Variants in GUCY1A2 observed in about 807,000 individuals in gnomAD.
GUCY1A2 encodes guanylate cyclase soluble subunit alpha-2.
GUCY1A2 carries 27 observed loss-of-function variants against 63.5 expected under a neutral mutation model. The ratio of observed to expected loss-of-function variants is 0.43; its 90% CI spans 0.31 to 0.59. GUCY1A2 has a LOEUF of 0.59. Ranked by LOEUF, GUCY1A2 falls within the 20% of genes least tolerant of loss-of-function variation. GUCY1A2 has a pLI of 0.11. For missense variants in GUCY1A2, 768 were observed against 913.3 expected, an observed-to-expected ratio of 0.84 and a Z score of 2.05; for synonymous variants, 364 against 343.5, an observed-to-expected ratio of 1.06 and a Z score of -0.66.
At chr11:106,992,629 C>A (rs536677245) in intron 1 of GUCY1A2, among the ~76,000 whole-genome samples, 40 of 152,048 alleles carry the variant, frequency 2.6e-4, no homozygotes, top group South Asian at 4.1e-4. Context: ...CACGCCCGGC[C>A]AGAACATGTC....
chr11:106,939,325 AG>A lies in GUCY1A2; in HGVS notation c.1206+134del. 3 of 608,138 alleles carry A rather than the reference AG, an allele frequency of 4.9e-6. No homozygotes were observed. The East Asian group carries it at 7.7e-5, about 16-fold the overall frequency. The allele number at this position is 608,138 out of a possible 1,614,324, so 37.7% of individuals were successfully genotyped here. ...AGGCCAAATCTTTTTACATACATCC[AG>A]GGACCAGTAATCTTCTAAATGGCAC... On this transcript the variant is annotated intron_variant, in intron 4 of 7. Coordinates refer to ENST00000526355, the MANE Select transcript of GUCY1A2 (RefSeq NM_000855.3).
At chr11:106,986,516 G>A (rs1370742769) in intron 1 of GUCY1A2, among the ~76,000 whole-genome samples, 1 of 152,100 alleles carries the variant, frequency 6.6e-6, no homozygotes. Flanking sequence ...ATCTGCATGA[G>A]GTAATGAGCA....
chr11:106,890,416 T>G (rs1859957629), intron 4 of GUCY1A2, among the ~76,000 whole-genome samples: 1 of 152,224 alleles, frequency 6.6e-6, no homozygotes, highest in South Asian at 2.1e-4. Flanking sequence ...CTCTTCAGGA[T>G]GCTGGTTCTG....
chr11:106,809,115 A>G (rs1858731199), intron 5 of GUCY1A2, among the ~76,000 whole-genome samples: 1 of 152,138 alleles, frequency 6.6e-6, no homozygotes, highest in African/African-American at 2.4e-5. Context: ...TGAATCAGAC[A>G]AGTTCTTTCC....
intron 3 of GUCY1A2, among the ~76,000 whole-genome samples, chr11:106,956,347 A>C (rs1181481367): frequency 6.6e-6 from 1 of 151,972 alleles, no homozygotes; most frequent in Non-Finnish European, 1.5e-5. Context: ...TTGGAGATGA[A>C]GCACTCTGGC....
At chr11:106,880,714 T>A (rs1041550956) in intron 4 of GUCY1A2, among the ~76,000 whole-genome samples, 4 of 152,132 alleles carry the variant, frequency 2.6e-5, no homozygotes, top group African/African-American at 9.6e-5. Context: ...TAGATTTCTT[T>A]ACTGTAGGGT....
rs533468099 is a variant in GUCY1A2 at position 106,958,842 on chromosome 11, T to C, written c.488-18664A>G. Among the ~76,000 whole-genome samples, 102 of 152,360 alleles carry C rather than the reference T, an allele frequency of 6.7e-4. 1 individual carries two copies. Among genetic ancestry groups the C allele is most frequent in the African/African-American group, 2.3e-3 (97 of 41,586 alleles). On this transcript the variant is annotated intron_variant, in intron 3 of 7. Coordinates refer to ENST00000526355, the MANE Select transcript of GUCY1A2 (RefSeq NM_000855.3). Reference sequence around the variant, plus strand: ...AGGTTTATTCTTCTTCACTAGCATATACACCTCAAACTGTTTTTCTAGTAT... The same window carrying C: ...AGGTTTATTCTTCTTCACTAGCATACACACCTCAAACTGTTTTTCTAGTAT...
chr11:106,760,888 A>G lies in GUCY1A2; in HGVS notation c.1836+15551T>C, dbSNP rs565590179. ...CAGAAGGAAGACAGGAACTGAGGAA[A>G]GAATTAATAGTTTTAAAAGATTAAA... On this transcript the variant is annotated intron_variant, in intron 6 of 7. Coordinates refer to ENST00000526355, the MANE Select transcript of GUCY1A2 (RefSeq NM_000855.3). 6.6e-5 allele frequency among the ~76,000 whole-genome samples: 10 copies of G among 152,314 alleles called. 1 individual carries two copies. The highest frequency in any genetic ancestry group is 2.4e-4 in the African/African-American group (10 of 41,584).
rs554732735 is a variant in GUCY1A2, at chr11:106,845,555, A to G, written c.1207-35077T>C. Among the ~76,000 whole-genome samples, 20 of 151,560 alleles carry G rather than the reference A, an allele frequency of 1.3e-4. 1 individual carries two copies. The South Asian group carries it at 1.5e-3, about 11-fold the overall frequency. ...TAAAGAGCAGGTCAATGTAGGTACA[A>G]TTTTTTTGTGTTCCTGATGCTCATT... On this transcript the variant is annotated intron_variant, in intron 4 of 7. Coordinates refer to ENST00000526355, the MANE Select transcript of GUCY1A2 (RefSeq NM_000855.3).
At chr11:106,880,871 A>AACAATTTTGGAAATG (rs1859813923) in intron 4 of GUCY1A2, among the ~76,000 whole-genome samples, 1 of 152,136 alleles carries the variant, frequency 6.6e-6, no homozygotes, top group African/African-American at 2.4e-5. Flanking sequence ...CACTCACATG[A>AACAATTTTGGAAATG]ACAATTTTGG....
chr11:106,730,090 ATATATT>A lies in GUCY1A2; in HGVS notation c.1837-21430_1837-21425del, dbSNP rs1325067517. Among the ~76,000 whole-genome samples the A allele has an allele frequency of 8.7e-3, 1,052 of 121,396 alleles. 10 individuals carry two copies. Among genetic ancestry groups the A allele is most frequent in the African/African-American group, 0.027 (990 of 36,050 alleles). 79.6% of individuals were successfully genotyped at this position (121,396 alleles called of 152,430 possible). A position where few individuals can be genotyped will look rare whatever the true frequency, so the allele number is the denominator to read the frequency against. ...TATATATATATATATATATATATATATATATTATAGTATATAATATATACTGTTTTT... is the reference window on the plus strand; with the variant it reads ...TATATATATATATATATATATATATAATAGTATATAATATATACTGTTTTT... On this transcript the variant is annotated intron_variant, in intron 6 of 7. Coordinates refer to ENST00000526355, the MANE Select transcript of GUCY1A2 (RefSeq NM_000855.3).
At chr11:106,952,954 A>G (rs895301247) in intron 3 of GUCY1A2, among the ~76,000 whole-genome samples, 1 of 152,170 alleles carries the variant, frequency 6.6e-6, no homozygotes, top group African/African-American at 2.4e-5. Context: ...TTTTCTAAAT[A>G]TAAAATCATG....
At chr11:106,703,022 C>CAATCT (rs1177364591) in intron 7 of GUCY1A2, among the ~76,000 whole-genome samples, 1 of 152,114 alleles carries the variant, frequency 6.6e-6, no homozygotes, top group Non-Finnish European at 1.5e-5. Context: ...TGGGTGGACA[C>CAATCT]AATCTAATCT....
rs142702091 is a variant in GUCY1A2 at position 106,715,780 on chromosome 11, C to CTTAA, written c.1837-7118_1837-7115dup. Among the ~76,000 whole-genome samples the CTTAA allele has an allele frequency of 9.2e-3, 1,397 of 152,290 alleles. 28 individuals carry two copies. The highest frequency in any genetic ancestry group is 0.031 in the African/African-American group (1,303 of 41,544). On this transcript the variant is annotated intron_variant, in intron 6 of 7. Coordinates refer to ENST00000526355, the MANE Select transcript of GUCY1A2 (RefSeq NM_000855.3). ...TTGCCTCATCTAAAATACATCCAAT[C>CTTAA]TTAATCACAGACTCTGTTCTAAGTG... is the stretch of plus-strand genomic sequence containing the variant.
At chr11:106,818,836 T>G (rs1208779462) in intron 4 of GUCY1A2, among the ~76,000 whole-genome samples, 1 of 152,148 alleles carries the variant, frequency 6.6e-6, no homozygotes, top group Non-Finnish European at 1.5e-5. Flanking sequence ...GAAGATCAAA[T>G]CAGCCATTAC....
chr11:106,930,417 C>T (rs1158141133), intron 4 of GUCY1A2, among the ~76,000 whole-genome samples: 2 of 152,296 alleles, frequency 1.3e-5, no homozygotes, highest in East Asian at 1.9e-4. Context: ...CTCTGCCTCC[C>T]GGCTTCAAGC....
At chr11:106,739,006 G>C (rs1003840271) in intron 6 of GUCY1A2, among the ~76,000 whole-genome samples, 3 of 152,128 alleles carry the variant, frequency 2.0e-5, no homozygotes, top group Non-Finnish European at 4.4e-5. Flanking sequence ...TCATGATATT[G>C]ATTCTTCCTA....
At chr11:106,903,723 T>A (rs982689316) in intron 4 of GUCY1A2, among the ~76,000 whole-genome samples, 5 of 152,162 alleles carry the variant, frequency 3.3e-5, no homozygotes, top group Admixed American at 3.3e-4. Flanking sequence ...TAGAAAGTGA[T>A]AAAGACATTT....
intron 4 of GUCY1A2, among the ~76,000 whole-genome samples, chr11:106,837,229 CA>C (rs145182737): frequency 0.034 from 5,157 of 151,944 alleles, 281 homozygotes; most frequent in African/African-American, 0.12. Flanking sequence ...CTTGCACTTA[CA>C]AGTAACAACA....
Sources: allele counts gnomAD v4.1 joint callset (sites outside exome capture counted in the v4.1 genomes callset), GRCh38; gene constraint gnomAD v4.1.1; transcripts MANE v1.5; gene names NCBI Gene and HGNC (gene_info 2026-07-23, HGNC 2026-07-21).